Variants in ADGRL4 observed in about 807,000 individuals in gnomAD.
The protein encoded by ADGRL4 is EGF, latrophilin and seven transmembrane domain containing 1.
ADGRL4 carries 90 observed loss-of-function variants against 74.8 expected under a neutral mutation model. The ratio of observed to expected loss-of-function variants is 1.20; its 90% CI spans 1.02 to 1.43. The LOEUF is 1.43. ADGRL4 is among the 40% of genes most tolerant of loss of function. The pLI, the probability that ADGRL4 is intolerant of heterozygous loss-of-function variation, is 0.00. For missense variants in ADGRL4, 881 were observed against 814.3 expected, an observed-to-expected ratio of 1.08 and a Z score of -1.00; for synonymous variants, 311 against 279.2, an observed-to-expected ratio of 1.11 and a Z score of -1.14.
intron 12 of ADGRL4, among the ~76,000 whole-genome samples, chr1:78,901,588 T>A (rs1018423450): frequency 6.6e-6 from 1 of 152,180 alleles, no homozygotes; most frequent in Non-Finnish European, 1.5e-5. Flanking sequence ...AGCCAGCACC[T>A]GTTAAACACT....
At chr1:78,919,343 C>T (rs940588288) in intron 10 of ADGRL4, among the ~76,000 whole-genome samples, 1 of 151,952 alleles carries the variant, frequency 6.6e-6, no homozygotes, top group Non-Finnish European at 1.5e-5. Context: ...CCATAGGCTG[C>T]TGCCAGCCCA....
intron 2 of ADGRL4, among the ~76,000 whole-genome samples, chr1:78,972,902 A>T (rs1277663393): frequency 6.6e-6 from 1 of 152,180 alleles, no homozygotes; most frequent in Admixed American, 6.6e-5. Flanking sequence ...TTGGTTGAGG[A>T]ATAAGGCTGC....
At chr1:78,982,114 A>G (rs1650408118) in intron 2 of ADGRL4, among the ~76,000 whole-genome samples, 1 of 151,886 alleles carries the variant, frequency 6.6e-6, no homozygotes, top group Non-Finnish European at 1.5e-5. Flanking sequence ...CTGATTTGTT[A>G]TAGAATTCCA....
chr1:78,892,666 G>A (rs1318632575), intron 13 of ADGRL4, among the ~76,000 whole-genome samples: 1 of 152,042 alleles, frequency 6.6e-6, no homozygotes, highest in Non-Finnish European at 1.5e-5. Flanking sequence ...GTTCCCTATA[G>A]TATAATTCAG....
At chr1:78,955,922 T>A (rs1465460229) in intron 2 of ADGRL4, among the ~76,000 whole-genome samples, 2 of 152,174 alleles carry the variant, frequency 1.3e-5, no homozygotes, top group Non-Finnish European at 2.9e-5. Flanking sequence ...TTACTAAAAG[T>A]GTATGCATTT....
At position 78,916,481 on chromosome 1, in the gene ADGRL4, T is replaced by A. The variant is rs1161673029; in HGVS notation, c.1749+1153A>T. On this transcript the variant is annotated intron_variant, in intron 12 of 14. Coordinates refer to ENST00000370742, the MANE Select transcript of ADGRL4 (RefSeq NM_022159.4). ...TTGGAAATTTTGGAGTCATAATAAA[T>A]TAACTCAACTTGTTTTAGCTTAAAT... 2.6e-5 allele frequency among the ~76,000 whole-genome samples: 4 copies of A among 151,934 alleles called. No individual in the cohort carries two copies. The East Asian group carries it at 5.8e-4, about 22-fold the overall frequency.
chr1:78,897,817 T>C (rs1031333658), intron 12 of ADGRL4, among the ~76,000 whole-genome samples: 1 of 152,194 alleles, frequency 6.6e-6, no homozygotes, highest in Non-Finnish European at 1.5e-5. Context: ...TTACCCCTAA[T>C]GTCATATTAA....
chr1:78,970,287 G>T (rs1298954617), intron 2 of ADGRL4, among the ~76,000 whole-genome samples: 1 of 152,202 alleles, frequency 6.6e-6, no homozygotes, highest in East Asian at 1.9e-4. Context: ...GACAACAGAT[G>T]TTAAAAGGCA....
chr1:78,890,403 T>C lies in ADGRL4; in HGVS notation c.*751A>G, dbSNP rs1228855448. ...TGATTAACTATCCAAAGTCACAATC[T>C]GTGAAATAAGTAAGGAAATAGTATA... On this transcript the variant is annotated 3_prime_UTR_variant, in exon 15 of 15. Transcript: ENST00000370742. 3 of 152,064 alleles carry C rather than the reference T, an allele frequency of 2.0e-5. No individual in the cohort carries two copies. Among genetic ancestry groups the C allele is most frequent in the African/African-American group, 7.2e-5 (3 of 41,446 alleles). The allele number at this position is 152,064 out of a possible 1,614,324, so 9.4% of individuals were successfully genotyped here. A position where few individuals can be genotyped will look rare whatever the true frequency, so the allele number is the denominator to read the frequency against.
chr1:78,989,057 T>G (rs1650553408), intron 2 of ADGRL4, among the ~76,000 whole-genome samples: 1 of 151,768 alleles, frequency 6.6e-6, no homozygotes. Context: ...AAAGATTTGT[T>G]AAGCCAAACA....
chr1:78,990,342 G>T (rs534979233), intron 2 of ADGRL4, among the ~76,000 whole-genome samples: 1 of 151,708 alleles, frequency 6.6e-6, no homozygotes, highest in Admixed American at 6.6e-5. Flanking sequence ...AATTATTAAG[G>T]CATTACTAGT....
chr1:78,927,028 T>A lies in ADGRL4; in HGVS notation c.941A>T (p.Asn314Ile), dbSNP rs1218295280. The stretch of plus-strand genomic sequence containing the variant: ...ATAATTTTGAGGTTTCAATAAGAAG[T>A]TGTCAGATGATGAAAGCAAAGGACC... Reference protein sequence around the residue: ...SIGPLLSSSDNFLLKPQNYDN... With the variant: ...SIGPLLSSSDIFLLKPQNYDN... The change falls in exon 8 of 15, where the codon AAC (asparagine) becomes ATC (isoleucine). Residue 314 changes from asparagine (N) to isoleucine (I), a missense_variant. Transcript: ENST00000370742. 6.2e-7 allele frequency: 1 copy of A among 1,610,178 alleles called. No homozygotes were observed.
intron 2 of ADGRL4, among the ~76,000 whole-genome samples, chr1:78,978,035 C>T (rs534871365): frequency 6.6e-6 from 1 of 151,994 alleles, no homozygotes; most frequent in South Asian, 2.1e-4. Flanking sequence ...TAAATATCCA[C>T]AGGCATTCCC....
chr1:78,969,900 C>A (rs891040145), intron 2 of ADGRL4, among the ~76,000 whole-genome samples: 1 of 152,160 alleles, frequency 6.6e-6, no homozygotes, highest in Non-Finnish European at 1.5e-5. Flanking sequence ...ATGTAAAAAT[C>A]TGGATCAATA....
intron 2 of ADGRL4, among the ~76,000 whole-genome samples, chr1:78,973,994 CTTTG>C (rs899830045): frequency 1.3e-4 from 20 of 151,982 alleles, no homozygotes; most frequent in Admixed American, 6.6e-5. Flanking sequence ...TAGCTTCTTT[CTTTG>C]TTTGATTCAA....
At chr1:78,948,673 C>T (rs1255231488) in intron 2 of ADGRL4, among the ~76,000 whole-genome samples, 1 of 152,028 alleles carries the variant, frequency 6.6e-6, no homozygotes, top group Non-Finnish European at 1.5e-5. Context: ...CTCTATATGG[C>T]TATATATACT....
At chr1:78,935,597 G>C (rs181138440) in intron 7 of ADGRL4, among the ~76,000 whole-genome samples, 9 of 151,718 alleles carry the variant, frequency 5.9e-5, no homozygotes, top group Non-Finnish European at 7.4e-5. Flanking sequence ...CACAAATTTT[G>C]TCTCATGATG....
chr1:78,911,377 G>A (rs564820006), intron 12 of ADGRL4, among the ~76,000 whole-genome samples: 2 of 151,808 alleles, frequency 1.3e-5, no homozygotes, highest in South Asian at 2.1e-4. Context: ...TAAATTTGAA[G>A]CTTCACTTAT....
rs914580823 is a variant in ADGRL4, at chr1:78,914,803, A to G, written c.1749+2831T>C. Among the ~76,000 whole-genome samples, 3 of 151,750 alleles carry G rather than the reference A, an allele frequency of 2.0e-5. No individual in the cohort carries two copies. In the East Asian group the frequency reaches 5.8e-4, roughly 30 times the overall value. ...GTTGGTTCTGAGATACTGGTCTTCT[A>G]CTGCTAGGGATCCACAACTCTGCGC... On this transcript the variant is annotated intron_variant, in intron 12 of 14. Coordinates refer to ENST00000370742, the MANE Select transcript of ADGRL4 (RefSeq NM_022159.4).
Sources: gnomAD v4.1 joint callset for allele counts (sites outside exome capture counted in the v4.1 genomes callset) on GRCh38, gnomAD v4.1.1 for gene constraint, MANE v1.5 for transcripts, NCBI Gene and HGNC (gene_info 2026-07-23, HGNC 2026-07-21) for gene names.